The following LRP1B variants were observed in gnomAD, a reference collection of about 807,000 sequenced individuals.
LRP1B encodes low-density lipoprotein receptor-related protein 1B.
A neutral mutation model predicts 556.6 loss-of-function variants in LRP1B; 217 were observed. The ratio of observed to expected loss-of-function variants is 0.39; its 90% CI spans 0.35 to 0.44. LRP1B has a LOEUF of 0.44. LRP1B is among the 20% of genes least tolerant of loss of function. LRP1B has a pLI of 1.00. For missense variants in LRP1B, 5,053 were observed against 5,620.8 expected (o/e 0.90, Z 3.23); for synonymous variants, 2,047 against 1,865.8 (o/e 1.10, Z -2.50).
At chr2:141,479,329 T>G (rs960222005) in intron 3 of LRP1B, among the ~76,000 whole-genome samples, 11 of 152,142 alleles carry the variant, frequency 7.2e-5, no homozygotes, top group African/African-American at 2.7e-4. Context: ...ATACAATGTT[T>G]TAAAAAATAG....
In LRP1B at chr2:141,835,369, G is replaced by C. The variant is rs557524557; in HGVS notation, c.83-24968C>G. Among the ~76,000 whole-genome samples the C allele has an allele frequency of 1.1e-3, 169 of 151,790 alleles. 7 individuals are homozygous for C. In the South Asian group the frequency reaches 0.034, roughly 31 times the overall value. On this transcript the variant is annotated intron_variant, in intron 1 of 90. Transcript: ENST00000389484. Reference sequence around the variant, plus strand: ...CCCGAATCAGTTCCACTATCACCCTGTCAACTCCAGTGTGGACAAAGGGCT... The same window carrying C: ...CCCGAATCAGTTCCACTATCACCCTCTCAACTCCAGTGTGGACAAAGGGCT...
At chr2:140,408,815 A>T (rs1197283686) in intron 66 of LRP1B, among the ~76,000 whole-genome samples, 1 of 152,012 alleles carries the variant, frequency 6.6e-6, no homozygotes, top group African/African-American at 2.4e-5. Context: ...TCTGAGATAA[A>T]TATGCTTATT....
At chr2:141,507,101 C>G (rs1683959828) in intron 2 of LRP1B, among the ~76,000 whole-genome samples, 1 of 152,084 alleles carries the variant, frequency 6.6e-6, no homozygotes, top group Admixed American at 6.6e-5. Context: ...CAGATTATTA[C>G]TTTTGAAAAA....
Position 141,131,982 on chromosome 2 carries a change from C to A in LRP1B, c.1013+56439G>T, listed in dbSNP as rs1328761627. On this transcript the variant is annotated intron_variant, in intron 7 of 90. Coordinates refer to ENST00000389484, the MANE Select transcript of LRP1B (RefSeq NM_018557.3). ...CCAATTTGTAGCCTTTTATCCTTCA[C>A]CCCCTTCCCACTCTTGCCCCAGAGC... 2.0e-5 allele frequency among the ~76,000 whole-genome samples: 3 copies of A among 152,068 alleles called. No individual in the cohort carries two copies. The East Asian group carries it at 5.8e-4, about 29-fold the overall frequency.
intron 34 of LRP1B, among the ~76,000 whole-genome samples, 185 bp downstream of exon 34, chr2:140,770,696 A>G (rs557108520): frequency 6.6e-6 from 1 of 152,236 alleles, no homozygotes; most frequent in East Asian, 1.9e-4. Flanking sequence ...AAGGCAGAAC[A>G]ATGATATTTT....
intron 2 of LRP1B, among the ~76,000 whole-genome samples, chr2:141,659,632 G>A (rs541573806): frequency 6.6e-6 from 1 of 152,136 alleles, no homozygotes; most frequent in East Asian, 1.9e-4. Context: ...TGAAGTGGAC[G>A]ACCTGGGAGA....
rs377471082 is a variant in LRP1B, at chr2:140,306,758, A to G, written c.12805+8177T>C. On this transcript the variant is annotated intron_variant, in intron 83 of 90. Transcript: ENST00000389484. ...TTTTAATTGTGATGTTAGGGTGTCAATTTTAGATCTTTCCTGCTTTCTCTT... is the reference window on the plus strand; with the variant it reads ...TTTTAATTGTGATGTTAGGGTGTCAGTTTTAGATCTTTCCTGCTTTCTCTT... 6.6e-5 allele frequency among the ~76,000 whole-genome samples: 10 copies of G among 151,972 alleles called. No homozygotes were observed. The East Asian group carries it at 1.4e-3, about 21-fold the overall frequency.
At chr2:140,488,373 C>T (rs180999997) in intron 57 of LRP1B, among the ~76,000 whole-genome samples, 3 of 152,116 alleles carry the variant, frequency 2.0e-5, no homozygotes, top group Admixed American at 6.6e-5. Context: ...GGGTAATCAA[C>T]ATGTTTTTAT....
chr2:140,548,532 T>C (rs1680430303), intron 43 of LRP1B, among the ~76,000 whole-genome samples: 1 of 152,130 alleles, frequency 6.6e-6, no homozygotes, highest in South Asian at 2.1e-4. Context: ...ATTAAAACAT[T>C]TAGCAACTAC....
chr2:140,343,953 G>T (rs761263298), intron 77 of LRP1B, among the ~76,000 whole-genome samples: 5 of 151,602 alleles, frequency 3.3e-5, no homozygotes, highest in African/African-American at 9.7e-5. Context: ...ATAGATTACT[G>T]AGGGAATTAG....
At chr2:140,358,199 T>C (rs983521613) in intron 73 of LRP1B, 83 bp from the exon 74 acceptor site, 1 of 1,276,644 alleles carries the variant, frequency 7.8e-7, no homozygotes, top group African/African-American at 1.5e-5. Context: ...AAAATTTTAC[T>C]AACTACTATG....
chr2:141,813,668 T>G (rs976070870), intron 1 of LRP1B, among the ~76,000 whole-genome samples: 3 of 152,068 alleles, frequency 2.0e-5, no homozygotes, highest in African/African-American at 7.2e-5. Flanking sequence ...ACTTTTTCAC[T>G]CCTGTAGTTC....
rs543960899 is a variant in LRP1B, at chr2:141,646,700, G to A, written c.205+163579C>T. 5.3e-5 allele frequency among the ~76,000 whole-genome samples: 8 copies of A among 152,218 alleles called. No individual in the cohort carries two copies. In the South Asian group the frequency reaches 1.7e-3, roughly 32 times the overall value. On this transcript the variant is annotated intron_variant, in intron 2 of 90. Coordinates refer to ENST00000389484, the MANE Select transcript of LRP1B (RefSeq NM_018557.3). ...CAGTAAAAAGCTCAAGTAGTACTCAGGAGAATAGGGAATGTAGTTCTTCTT... is the reference window on the plus strand; with the variant it reads ...CAGTAAAAAGCTCAAGTAGTACTCAAGAGAATAGGGAATGTAGTTCTTCTT...
intron 1 of LRP1B, among the ~76,000 whole-genome samples, chr2:141,982,227 C>CTAA (rs1702064083): frequency 6.6e-6 from 1 of 152,116 alleles, no homozygotes; most frequent in South Asian, 2.1e-4. Context: ...CTCTAGTGGG[C>CTAA]TAATGGCTGA....
At chr2:141,506,368 T>A (rs1440519625) in intron 2 of LRP1B, among the ~76,000 whole-genome samples, 2 of 152,122 alleles carry the variant, frequency 1.3e-5, no homozygotes, top group Non-Finnish European at 2.9e-5. Context: ...ATCTGTTCCT[T>A]CTACAGAGTA....
intron 31 of LRP1B, among the ~76,000 whole-genome samples, chr2:140,814,872 A>G (rs1400251438): frequency 6.6e-6 from 1 of 152,134 alleles, no homozygotes; most frequent in Admixed American, 6.5e-5. Flanking sequence ...CACATATTAC[A>G]GTGGTGGCCA....
chr2:140,655,691 C>A (rs528406092), intron 41 of LRP1B, among the ~76,000 whole-genome samples: 1 of 152,248 alleles, frequency 6.6e-6, no homozygotes, highest in Non-Finnish European at 1.5e-5. Flanking sequence ...GCCTGCAATC[C>A]CAGCACTTTG....
intron 41 of LRP1B, among the ~76,000 whole-genome samples, chr2:140,682,053 TTTG>T (rs1365125019): frequency 6.6e-6 from 1 of 152,338 alleles, no homozygotes; most frequent in East Asian, 1.9e-4. Context: ...AAGATGCATG[TTTG>T]TTGTCTTAAT....
intron 32 of LRP1B, among the ~76,000 whole-genome samples, chr2:140,798,798 G>A (rs529131037): frequency 3.9e-4 from 60 of 152,276 alleles, no homozygotes; most frequent in African/African-American, 1.3e-3. Flanking sequence ...ATCTCCTGGA[G>A]CTGAGCATCA....
Sources: allele counts gnomAD v4.1 joint callset (sites outside exome capture counted in the v4.1 genomes callset), GRCh38; gene constraint gnomAD v4.1.1; transcripts MANE v1.5; gene names NCBI Gene and HGNC (gene_info 2026-07-23, HGNC 2026-07-21).